Variants in KIF13A observed in about 807,000 individuals in gnomAD.
KIF13A encodes the protein kinesin-like protein KIF13A.
KIF13A carries 79 observed loss-of-function variants against 212.2 expected under a neutral mutation model. The ratio of observed to expected loss-of-function variants is 0.37; its 90% confidence interval spans 0.31 to 0.45. The LOEUF (loss-of-function observed/expected upper bound fraction) is 0.45. KIF13A is among the 20% of genes least tolerant of loss of function. KIF13A has a pLI of 1.00. For missense variants in KIF13A, 1,901 were observed against 2,209.0 expected (o/e 0.86, Z 2.79); for synonymous variants, 789 against 808.6 (o/e 0.98, Z 0.41).
intron 16 of KIF13A, among the ~76,000 whole-genome samples, chr6:17,819,543 CA>C (rs1362916407): frequency 1.3e-5 from 2 of 152,008 alleles, no homozygotes; most frequent in Non-Finnish European, 2.9e-5. Flanking sequence ...GCCTGGGCAA[CA>C]GAGTGAGACT....
chr6:17,863,267 G>C (rs973764037), intron 4 of KIF13A, among the ~76,000 whole-genome samples: 3 of 152,060 alleles, frequency 2.0e-5, no homozygotes, highest in Non-Finnish European at 1.5e-5. Context: ...AGAAAGGGTG[G>C]GGTGTGTGTT....
At chr6:17,935,062 A>C (rs1776342265) in intron 2 of KIF13A, among the ~76,000 whole-genome samples, 1 of 152,166 alleles carries the variant, frequency 6.6e-6, no homozygotes, top group African/African-American at 2.4e-5. Context: ...ATTTAATAAC[A>C]AAAGCTTATT....
At chr6:17,784,090 G>A (rs1199589336) in intron 28 of KIF13A, among the ~76,000 whole-genome samples, 1 of 152,164 alleles carries the variant, frequency 6.6e-6, no homozygotes, top group African/African-American at 2.4e-5. Context: ...AGGAGGGAGG[G>A]TTGTGTACAG....
intron 2 of KIF13A, among the ~76,000 whole-genome samples, chr6:17,952,303 CAAAAA>C (rs35418848): frequency 9.8e-6 from 1 of 102,318 alleles, no homozygotes; most frequent in African/African-American, 3.7e-5. Context: ...GACTCCGTCT[CAAAAA>C]AAAAAAAAAA....
At chr6:17,762,278 T>C (rs982636266), downstream of KIF13A, among the ~76,000 whole-genome samples, 2 of 150,944 alleles carry the variant, frequency 1.3e-5, no homozygotes, top group South Asian at 2.1e-4. Context: ...AGTGGTGCGA[T>C]CTTGGCTCAC....
intron 2 of KIF13A, among the ~76,000 whole-genome samples, chr6:17,924,099 T>A (rs1775302120): frequency 6.6e-6 from 1 of 152,206 alleles, no homozygotes; most frequent in East Asian, 1.9e-4. Flanking sequence ...AAATTATTTT[T>A]AAAACTTTAA....
intron 3 of KIF13A, among the ~76,000 whole-genome samples, chr6:17,875,086 G>A (rs781777700): frequency 8.6e-5 from 13 of 151,472 alleles, no homozygotes; most frequent in Non-Finnish European, 1.6e-4. Context: ...ACGATTTTGC[G>A]ATTGTGAACT....
At position 17,926,358 on chromosome 6, in the gene KIF13A, G is replaced by A. The variant is rs1377731753; in HGVS notation, c.147-28178C>T. Among the ~76,000 whole-genome samples, 3 of 152,024 alleles carry A rather than the reference G, an allele frequency of 2.0e-5. No individual in the cohort carries two copies. The highest frequency in any genetic ancestry group is 2.9e-5 in the Non-Finnish European group (2 of 68,006). On this transcript the variant is annotated intron_variant, in intron 2 of 38. Coordinates refer to ENST00000259711, the MANE Select transcript of KIF13A (RefSeq NM_022113.6). The surrounding 1 kb of genome is among the most constrained non-coding windows in gnomAD (Gnocchi z 4.3). ...AGTGATTCTCGTGCCTCAGTCTCCCGAGTAGCTGGGATAACAGGCACGCAC... is the reference window on the plus strand; with the variant it reads ...AGTGATTCTCGTGCCTCAGTCTCCCAAGTAGCTGGGATAACAGGCACGCAC...
intron 18 of KIF13A, among the ~76,000 whole-genome samples, chr6:17,808,256 C>T (rs9297047): frequency 0.028 from 4,301 of 152,150 alleles, 211 homozygotes; most frequent in African/African-American, 0.098. Context: ...TGTGCTAGTG[C>T]GCGCCTGTAA....
intron 4 of KIF13A, among the ~76,000 whole-genome samples, chr6:17,869,299 C>T (rs911627236): frequency 5.3e-5 from 8 of 152,094 alleles, no homozygotes; most frequent in Admixed American, 4.6e-4. Flanking sequence ...AATCTCAGTA[C>T]ATTGCATTTT....
At position 17,948,557 on chromosome 6, in the gene KIF13A, C is replaced by CTTTTT. The variant is rs71002289; in HGVS notation, c.146+38492_146+38496dup. On this transcript the variant is annotated intron_variant, in intron 2 of 38. Transcript: ENST00000259711. ...CACAGTACCACATAACATCCATTTA[C>CTTTTT]TTTTTTTTTTTTTTTTTTTTTTTTG... is the stretch of plus-strand genomic sequence containing the variant. 2.1e-3 allele frequency among the ~76,000 whole-genome samples: 173 copies of CTTTTT among 84,142 alleles called. 3 individuals carry two copies. Among genetic ancestry groups the CTTTTT allele is most frequent in the Middle Eastern group, 0.011 (1 of 92 alleles). The allele number at this position is 84,142 out of a possible 152,430, so 55.2% of individuals were successfully genotyped here. A position where few individuals can be genotyped will look rare whatever the true frequency, so the allele number is the denominator to read the frequency against.
chr6:17,884,011 G>A (rs779624866), intron 3 of KIF13A, among the ~76,000 whole-genome samples: 3 of 152,102 alleles, frequency 2.0e-5, no homozygotes, highest in Non-Finnish European at 4.4e-5. Context: ...AGAACTATGA[G>A]GGAATTTCTC....
intron 4 of KIF13A, among the ~76,000 whole-genome samples, chr6:17,861,059 C>T (rs1768722211): frequency 6.6e-6 from 1 of 152,058 alleles, no homozygotes; most frequent in Non-Finnish European, 1.5e-5. Flanking sequence ...ATATAGTCAA[C>T]TTCTTTTAGT....
At chr6:17,969,283 G>A (rs917105050) in intron 2 of KIF13A, among the ~76,000 whole-genome samples, 1 of 152,164 alleles carries the variant, frequency 6.6e-6, no homozygotes, top group Non-Finnish European at 1.5e-5. Context: ...TTGACCACAC[G>A]GCTGGAGGCT....
intron 2 of KIF13A, among the ~76,000 whole-genome samples, chr6:17,909,751 A>G (rs1399121019): frequency 2.7e-4 from 37 of 139,200 alleles, no homozygotes; most frequent in East Asian, 1.6e-3. Flanking sequence ...AAAATTAGCC[A>G]GGTGTGGTGG....
At chr6:17,845,496 T>A (rs930307414) in intron 9 of KIF13A, among the ~76,000 whole-genome samples, 1 of 152,326 alleles carries the variant, frequency 6.6e-6, no homozygotes, top group South Asian at 2.1e-4. Context: ...ACCACAGGAA[T>A]TGAAATAGGA....
chr6:17,828,652 T>A lies in KIF13A; in HGVS notation c.1402-282A>T, dbSNP rs2150368902. ...GGACTTGACAGTAGAATACTTTGAG[T>A]TTCAATTGTGACTTGACCACGGGGA... On this transcript the variant is annotated intron_variant, in intron 13 of 38. Coordinates refer to ENST00000259711, the MANE Select transcript of KIF13A (RefSeq NM_022113.6). The surrounding 1 kb of genome is among the most constrained non-coding windows in gnomAD (Gnocchi z 4.3). Among the ~76,000 whole-genome samples the A allele has an allele frequency of 6.6e-6, 1 of 152,224 alleles. No homozygotes were observed. Among genetic ancestry groups the A allele is most frequent in the Admixed American group, 6.5e-5 (1 of 15,284 alleles).
intron 32 of KIF13A, 104 bp from the exon 33 acceptor site, chr6:17,779,203 C>T (rs1760262315): frequency 1.4e-6 from 1 of 730,244 alleles, no homozygotes; most frequent in Non-Finnish European, 2.2e-6. Flanking sequence ...AACACATTCT[C>T]CATTATTTAG....
intron 17 of KIF13A, among the ~76,000 whole-genome samples, chr6:17,814,000 T>C (rs1763680379): frequency 7.1e-6 from 1 of 140,812 alleles, no homozygotes; most frequent in Non-Finnish European, 1.5e-5. Context: ...TTGCCCAGGC[T>C]GGAGTGCAGT....
Sources: allele counts gnomAD v4.1 joint callset (sites outside exome capture counted in the v4.1 genomes callset), GRCh38; gene constraint gnomAD v4.1.1; non-coding constraint Gnocchi (gnomAD v3.1); transcripts MANE v1.5; gene names NCBI Gene and HGNC (gene_info 2026-07-23, HGNC 2026-07-21).